LCE7A: variants seen among roughly 807,000 people sequenced by gnomAD.
The protein encoded by LCE7A is late cornified envelope protein 7A.
At chr1:152,860,228 G>C in the LCE7A span, among the ~76,000 whole-genome samples, 1 of 152,160 alleles carries the variant, frequency 6.6e-6, no homozygotes, top group Non-Finnish European at 1.5e-5. Context: ...GGCAGTGCAA[G>C]TGTTTGTAGG....
chr1:152,861,025 C>T, the LCE7A span, among the ~76,000 whole-genome samples: 1 of 152,202 alleles, frequency 6.6e-6, no homozygotes, highest in Non-Finnish European at 1.5e-5. Flanking sequence ...CAGCCAAGGA[C>T]CCGCCCTGAG....
At chr1:152,860,550 T>A in the LCE7A span, among the ~76,000 whole-genome samples, 1 of 152,220 alleles carries the variant, frequency 6.6e-6, no homozygotes, top group African/African-American at 2.4e-5. Context: ...GCAGGGCTGC[T>A]CTGCTATTAT....
chr1:152,860,038 G>A, the LCE7A span, among the ~76,000 whole-genome samples: 1 of 152,198 alleles, frequency 6.6e-6, no homozygotes, highest in South Asian at 2.1e-4. Context: ...CAAGGTGAGT[G>A]TTTTTACTGA....
At chr1:152,860,189 CAGA>C in the LCE7A span, among the ~76,000 whole-genome samples, 1 of 151,996 alleles carries the variant, frequency 6.6e-6, no homozygotes, top group Non-Finnish European at 1.5e-5. Flanking sequence ...GCAGCAAACC[CAGA>C]AGGAGTGAAG....
the LCE7A span, among the ~76,000 whole-genome samples, chr1:152,860,680 A>G: frequency 6.6e-6 from 1 of 152,180 alleles, no homozygotes; most frequent in African/African-American, 2.4e-5. Context: ...TTTTTAGAGT[A>G]ACTGGACTTT....
At chr1:152,860,538 A>G in the LCE7A span, among the ~76,000 whole-genome samples, 1,353 of 152,264 alleles carry the variant, frequency 8.9e-3, 17 homozygotes, top group African/African-American at 0.031. Context: ...TATGTCAGGA[A>G]AGCAGGGCTG....
the LCE7A span, among the ~76,000 whole-genome samples, chr1:152,861,041 G>A: frequency 6.6e-6 from 1 of 152,290 alleles, no homozygotes; most frequent in Non-Finnish European, 1.5e-5. Context: ...CTGAGTTGAT[G>A]TCTTCCCTCA....
the LCE7A span, among the ~76,000 whole-genome samples, chr1:152,860,804 GC>G: frequency 6.6e-6 from 1 of 152,184 alleles, no homozygotes; most frequent in East Asian, 1.9e-4. Context: ...CCAGCTCCAT[GC>G]CCCCCTCCAG....
the LCE7A span, among the ~76,000 whole-genome samples, chr1:152,861,035 G>A: frequency 6.6e-6 from 1 of 152,194 alleles, no homozygotes; most frequent in East Asian, 1.9e-4. Context: ...CCCGCCCTGA[G>A]TTGATGTCTT....
chr1:152,860,455 G>A, the LCE7A span, among the ~76,000 whole-genome samples: 3 of 152,150 alleles, frequency 2.0e-5, no homozygotes, highest in Non-Finnish European at 1.5e-5. Flanking sequence ...GAAGTCAGGA[G>A]TCTTGAGAGA....
chr1:152,860,418 T>A, the LCE7A span, among the ~76,000 whole-genome samples: 1 of 152,272 alleles, frequency 6.6e-6, no homozygotes, highest in Admixed American at 6.5e-5. Flanking sequence ...TTTGGGGGAC[T>A]ACATAGTGCC....
chr1:152,860,727 G>C, the LCE7A span, among the ~76,000 whole-genome samples: 1 of 152,160 alleles, frequency 6.6e-6, no homozygotes, highest in East Asian at 1.9e-4. Context: ...AGCAGAAATG[G>C]CAGCTCCCTG....
the LCE7A span, among the ~76,000 whole-genome samples, chr1:152,860,390 A>G: frequency 6.6e-6 from 1 of 152,168 alleles, no homozygotes; most frequent in East Asian, 1.9e-4. Context: ...AGAAGATAGG[A>G]TAATAAGTAA....
At chr1:152,860,028 C>A in the LCE7A span, among the ~76,000 whole-genome samples, 1 of 152,132 alleles carries the variant, frequency 6.6e-6, no homozygotes, top group Non-Finnish European at 1.5e-5. Context: ...GTTAAGAGGA[C>A]AAGGTGAGTG....
At chr1:152,860,584 T>C in the LCE7A span, among the ~76,000 whole-genome samples, 1 of 152,322 alleles carries the variant, frequency 6.6e-6, no homozygotes, top group East Asian at 1.9e-4. Flanking sequence ...GAGCCACATA[T>C]TCAACTGTAG....
At chr1:152,861,100 C>T in the LCE7A span, among the ~76,000 whole-genome samples, 1 of 152,186 alleles carries the variant, frequency 6.6e-6, no homozygotes, top group Non-Finnish European at 1.5e-5. Flanking sequence ...TGCCTAGCTC[C>T]ATAGGTGATG....
At chr1:152,860,122 G>A in the LCE7A span, among the ~76,000 whole-genome samples, 3,704 of 152,248 alleles carry the variant, frequency 0.024, 167 homozygotes, top group African/African-American at 0.085. Context: ...TGGAGAGAAT[G>A]GAAATTGATA....
At chr1:152,860,138 A>G in the LCE7A span, among the ~76,000 whole-genome samples, 1 of 152,166 alleles carries the variant, frequency 6.6e-6, no homozygotes, top group East Asian at 1.9e-4. Flanking sequence ...TGATAATTCC[A>G]GGAAGACCAG....
the LCE7A span, among the ~76,000 whole-genome samples, chr1:152,860,386 T>C: frequency 6.6e-6 from 1 of 152,090 alleles, no homozygotes; most frequent in Non-Finnish European, 1.5e-5. Context: ...AATTAGAAGA[T>C]AGGATAATAA....
Sources: allele counts gnomAD v4.1 joint callset (sites outside exome capture counted in the v4.1 genomes callset), GRCh38; gene constraint gnomAD v4.1.1; transcripts MANE v1.5; gene names NCBI Gene and HGNC (gene_info 2026-07-23, HGNC 2026-07-21).